B4GALT1: variants seen among roughly 807,000 people sequenced by gnomAD.
B4GALT1 encodes N-acetyllactosamine synthase.
In B4GALT1, 16 loss-of-function variants were observed where a neutral mutation model predicts 34.9. The observed-to-expected ratio is 0.46, with a 90% CI of 0.31 to 0.70. The LOEUF is 0.70. Among genes scored for constraint, B4GALT1 ranks in the 30% least tolerant of loss-of-function variants. B4GALT1 has a pLI of 0.05. For synonymous variants in B4GALT1, 221 were observed against 218.1 expected (o/e 1.01, Z -0.12); for missense variants, 445 against 530.5 (o/e 0.84, Z 1.58).
chr9:33,181,944 C>CTTCTTT, the B4GALT1 span, among the ~76,000 whole-genome samples: 3 of 136,098 alleles, frequency 2.2e-5, no homozygotes, highest in South Asian at 7.1e-4. Flanking sequence ...CAGGCTTCTT[C>CTTCTTT]TTCTTTTTCT....
chr9:33,171,469 T>C (rs1412158861), upstream of B4GALT1, among the ~76,000 whole-genome samples: 3 of 152,214 alleles, frequency 2.0e-5, no homozygotes, highest in African/African-American at 7.2e-5. Flanking sequence ...AGCCCAGCCT[T>C]AGCATCACTT....
intron 5 of B4GALT1, 56 bp from the exon 6 acceptor site, chr9:33,113,642 T>C (rs1056077906): frequency 5.1e-5 from 82 of 1,612,040 alleles, no homozygotes; most frequent in Admixed American, 1.2e-4. Context: ...TAAGAAGAAA[T>C]CATCACACGT....
At position 33,166,949 on chromosome 9, in the gene B4GALT1, G is replaced by C. The variant is rs1370287737; in HGVS notation, c.221C>G (p.Ser74Cys). ...GGCCCCTCCGGTCCGGAGCTCCCCG[G>C]AGGACTGCCCGATGGCGGCGGCACT... ...SNSAAAIGQS[S>C]GELRTGGARP... The change falls in exon 1 of 6, where the codon TCC (serine) becomes TGC (cysteine). Residue 74 changes from serine to cysteine, a missense_variant. Ser to Cys is a moderately radical substitution (Grantham distance 112). Around this residue, in one of 3 missense-constraint regions of B4GALT1, gnomAD observed 349 missense variants for 395.5 expected, o/e 0.88. Transcript: ENST00000379731. The C allele has an allele frequency of 3.2e-6, 5 of 1,576,018 alleles. No individual in the cohort carries two copies. Among genetic ancestry groups the C allele is most frequent in the Non-Finnish European group, 4.3e-6 (5 of 1,168,190 alleles).
chr9:33,156,971 GAC>G (rs1840602443), intron 1 of B4GALT1, among the ~76,000 whole-genome samples: 1 of 151,884 alleles, frequency 6.6e-6, no homozygotes, highest in Admixed American at 6.6e-5. Context: ...TCCTTTTGTG[GAC>G]ACAGAGTGAA....
downstream of B4GALT1, chr9:33,108,812 T>C (rs1400687964): frequency 1.3e-5 from 2 of 152,126 alleles, no homozygotes; most frequent in Non-Finnish European, 2.9e-5. Context: ...TAATAAAATA[T>C]ATATATTTGG....
chr9:33,134,467 G>T (rs1840238308), intron 2 of B4GALT1, among the ~76,000 whole-genome samples: 1 of 152,152 alleles, frequency 6.6e-6, no homozygotes, highest in African/African-American at 2.4e-5. Context: ...ATACTCTTGG[G>T]AAAATAATGC....
upstream of B4GALT1, among the ~76,000 whole-genome samples, chr9:33,170,522 A>T (rs977865506): frequency 3.3e-5 from 5 of 152,158 alleles, no homozygotes; most frequent in Admixed American, 1.3e-4. Context: ...TTCCATTGGT[A>T]TAGATGATAG....
At chr9:33,118,084 G>C (rs1839965509) in intron 3 of B4GALT1, among the ~76,000 whole-genome samples, 2 of 152,212 alleles carry the variant, frequency 1.3e-5, no homozygotes, top group Admixed American at 1.3e-4. Flanking sequence ...TTCAAGGGAT[G>C]AATCAAGAGG....
At chr9:33,180,851 G>A in the B4GALT1 span, among the ~76,000 whole-genome samples, 4 of 152,172 alleles carry the variant, frequency 2.6e-5, no homozygotes, top group Non-Finnish European at 4.4e-5. Context: ...TAAGATGGGG[G>A]ATTGCCTGTT....
At chr9:33,173,846 A>G in the B4GALT1 span, among the ~76,000 whole-genome samples, 36 of 152,188 alleles carry the variant, frequency 2.4e-4, no homozygotes, top group African/African-American at 7.2e-4. Context: ...GATTATGTCA[A>G]AAAGACACAG....
intron 1 of B4GALT1, among the ~76,000 whole-genome samples, chr9:33,161,883 A>G (rs1474229075): frequency 6.6e-6 from 1 of 152,242 alleles, no homozygotes; most frequent in Admixed American, 6.5e-5. Flanking sequence ...CAGGGAAATC[A>G]GCAGGTATGA....
intron 2 of B4GALT1, among the ~76,000 whole-genome samples, chr9:33,126,660 G>GTTAACCATTGTTAACATTGTTA: frequency 6.7e-6 from 1 of 150,330 alleles, no homozygotes. Flanking sequence ...GTTAACCATA[G>GTTAACCATTGTTAACATTGTTA]CAATATGGTA....
intron 1 of B4GALT1, among the ~76,000 whole-genome samples, chr9:33,150,078 C>A (rs1263216166): frequency 2.0e-5 from 3 of 151,208 alleles, no homozygotes; most frequent in Middle Eastern, 6.9e-3. Flanking sequence ...TTTAAATCAC[C>A]TTGTTGTTAG....
At chr9:33,131,703 T>A (rs1268205654) in intron 2 of B4GALT1, among the ~76,000 whole-genome samples, 1 of 152,186 alleles carries the variant, frequency 6.6e-6, no homozygotes, top group Non-Finnish European at 1.5e-5. Context: ...CCCATAAGGT[T>A]TATTTGCTCA....
chr9:33,147,481 G>C (rs4584234), intron 1 of B4GALT1, among the ~76,000 whole-genome samples: 82 of 151,878 alleles, frequency 5.4e-4, no homozygotes, highest in African/African-American at 1.5e-3. Context: ...TTCTGACCTC[G>C]GGTGATCTGC....
downstream of B4GALT1, among the ~76,000 whole-genome samples, chr9:33,110,418 T>C (rs930048084): frequency 6.6e-6 from 1 of 152,218 alleles, no homozygotes; most frequent in African/African-American, 2.4e-5. Flanking sequence ...TTGTGAGGCA[T>C]TAGTCATTGT....
chr9:33,139,011 GGC>G (rs1840309974), intron 1 of B4GALT1, among the ~76,000 whole-genome samples: 1 of 151,996 alleles, frequency 6.6e-6, no homozygotes, highest in African/African-American at 2.4e-5. Flanking sequence ...CCCATGCCGG[GGC>G]TGTCCACAGC....
At chr9:33,150,993 A>G (rs978556342) in intron 1 of B4GALT1, among the ~76,000 whole-genome samples, 5 of 150,744 alleles carry the variant, frequency 3.3e-5, no homozygotes, top group Non-Finnish European at 7.4e-5. Context: ...AAGGAAGGAA[A>G]TAAGTAAGGG....
chr9:33,113,522 G>T lies in B4GALT1; in HGVS notation c.1129C>A (p.Gln377Lys), dbSNP rs1197114366. 6.2e-7 allele frequency: 1 copy of T among 1,614,200 alleles called. No individual in the cohort carries two copies. Among genetic ancestry groups the T allele is most frequent in the Non-Finnish European group, 8.5e-7 (1 of 1,180,026 alleles). The stretch of plus-strand genomic sequence containing the variant: ...GGGTATCTCTGTACATCCAGCACCT[G>T]GTAGGTGAGTGAGTTCAAACCATCA... The part of the protein sequence containing the change: ...LSDGLNSLTY[Q>K]VLDVQRYPLY... Residue 377 changes from glutamine (Q) to lysine (K), a missense_variant, in exon 6 of 6, where the codon CAG (glutamine) becomes AAG (lysine). This residue lies in a region of B4GALT1 where 89 missense variants were observed against 107.6 expected (regional missense o/e 0.83). Transcript: ENST00000379731.
Sources: allele counts gnomAD v4.1 joint callset (sites outside exome capture counted in the v4.1 genomes callset), GRCh38; gene constraint gnomAD v4.1.1; regional missense constraint gnomAD v4.1.1; transcripts MANE v1.5; gene names NCBI Gene and HGNC (gene_info 2026-07-23, HGNC 2026-07-21).